Variants in DHX37 observed in about 807,000 individuals in gnomAD.
DHX37 encodes DEAH-box helicase 37, also known as probable ATP-dependent RNA helicase DHX37.
A neutral mutation model predicts 134.3 loss-of-function variants in DHX37; 52 were observed. The observed-to-expected ratio is 0.39, with a 90% confidence interval of 0.31 to 0.49. The LOEUF (loss-of-function observed/expected upper bound fraction) is 0.49. Among genes scored for constraint, DHX37 ranks in the 20% least tolerant of loss-of-function variants. The pLI is 0.93. For missense variants in DHX37, 1,344 were observed against 1,580.8 expected (o/e 0.85, Z 2.54); for synonymous variants, 634 against 670.7 (o/e 0.95, Z 0.85).
chr12:124,972,747 G>A (rs1280031769), intron 6 of DHX37, 148 bp from the exon 7 acceptor site: 10 of 696,422 alleles, frequency 1.4e-5, no homozygotes, highest in Admixed American at 2.4e-5. Context: ...CATCTCCCCA[G>A]TCCACTCTCC....
In DHX37 at chr12:124,950,675, C is replaced by T. The variant is rs768887553; in HGVS notation, c.2983+15G>A. The T allele has an allele frequency of 2.0e-5, 33 of 1,611,274 alleles. No homozygotes were observed. The highest frequency in any genetic ancestry group is 2.5e-5 in the Non-Finnish European group (30 of 1,178,832). ...CACCATCGGGGGACAAGGGGCTGTCCGCAGGCCTCGGCACCTTTCATGTAC... is the reference window on the plus strand; with the variant it reads ...CACCATCGGGGGACAAGGGGCTGTCTGCAGGCCTCGGCACCTTTCATGTAC... On this transcript the variant is annotated intron_variant, in intron 22 of 26. Coordinates refer to ENST00000308736, the MANE Select transcript of DHX37 (RefSeq NM_032656.4).
At chr12:124,948,976 C>G (rs1361707460) in intron 25 of DHX37, among the ~76,000 whole-genome samples, 1 of 152,204 alleles carries the variant, frequency 6.6e-6, no homozygotes, top group African/African-American at 2.4e-5. Flanking sequence ...TGCAACTTGT[C>G]TCATCTAGAA....
Position 124,949,940 on chromosome 12 carries a change from C to T in DHX37, c.3290+46G>A, listed in dbSNP as rs1317173186. 2.6e-6 allele frequency: 4 copies of T among 1,560,568 alleles called. No homozygotes were observed. The highest frequency in any genetic ancestry group is 2.6e-6 in the Non-Finnish European group (3 of 1,147,534). ...GCAGCCCCGGGGAGGTCATTCAGGCCTCGGACCCCTCCTGCCCACTGCGAG... is the reference window on the plus strand; with the variant it reads ...GCAGCCCCGGGGAGGTCATTCAGGCTTCGGACCCCTCCTGCCCACTGCGAG... On this transcript the variant is annotated intron_variant, in intron 25 of 26. Coordinates refer to ENST00000308736, the MANE Select transcript of DHX37 (RefSeq NM_032656.4). This position sits in a 1 kb window ranked among gnomAD's most constrained non-coding sequence, Gnocchi z 4.0.
Position 124,962,836 on chromosome 12 carries a change from C to CA in DHX37, c.2045+1557dup, listed in dbSNP as rs1200702206. On this transcript the variant is annotated intron_variant, in intron 15 of 26. Transcript: ENST00000308736. ...TGGGTGACATAGCGAGACTCCATCT[C>CA]AAAAAAAAAAAAATTAAAAAGTGCT... Among the ~76,000 whole-genome samples, 750 of 141,874 alleles carry CA rather than the reference C, an allele frequency of 5.3e-3. 5 individuals carry two copies. Among genetic ancestry groups the CA allele is most frequent in the African/African-American group, 0.017 (643 of 38,144 alleles). The allele number at this position is 141,874 out of a possible 152,430, so 93.1% of individuals were successfully genotyped here. A position where few individuals can be genotyped will look rare whatever the true frequency, so the allele number is the denominator to read the frequency against.
Position 124,954,070 on chromosome 12 carries a change from A to C in DHX37, c.2578+17T>G, listed in dbSNP as rs11831506. 306,568 of 1,605,922 alleles carry C rather than the reference A, an allele frequency of 0.19. 33,903 individuals carry two copies. Among genetic ancestry groups the C allele is most frequent in the African/African-American group, 0.52 (38,550 of 74,836 alleles). The stretch of plus-strand genomic sequence containing the variant: ...TGGGTGACCCTCCCGCCACCCTCCA[A>C]CGGGCAGGGCACAAACCCAGCAGCA... On this transcript the variant is annotated intron_variant, in intron 19 of 26. Transcript: ENST00000308736.
At chr12:124,959,327 C>A (rs1411784471) in intron 16 of DHX37, among the ~76,000 whole-genome samples, 2 of 152,134 alleles carry the variant, frequency 1.3e-5, no homozygotes, top group Non-Finnish European at 2.9e-5. Context: ...CCTGCCTCGG[C>A]CTTCCAAAGT....
intron 8 of DHX37, among the ~76,000 whole-genome samples, chr12:124,970,239 G>T (rs1021637652): frequency 5.3e-5 from 8 of 152,226 alleles, no homozygotes; most frequent in Admixed American, 1.3e-4. Flanking sequence ...ATCCCACAGT[G>T]CTGGGATTAC....
intron 1 of DHX37, 47 bp from the exon 2 acceptor site, chr12:124,986,312 T>G: frequency 6.3e-7 from 1 of 1,593,552 alleles, no homozygotes; most frequent in Non-Finnish European, 8.5e-7. Context: ...GAGGTAGCTC[T>G]GGTCCCGCCT....
intron 15 of DHX37, among the ~76,000 whole-genome samples, chr12:124,961,546 A>G (rs1380949916): frequency 1.3e-5 from 2 of 152,154 alleles, no homozygotes; most frequent in Admixed American, 1.3e-4. Context: ...CTCCTGCCTC[A>G]GCCTCCCAAG....
At chr12:124,985,669 A>G (rs1485050020) in intron 2 of DHX37, among the ~76,000 whole-genome samples, 1 of 151,106 alleles carries the variant, frequency 6.6e-6, no homozygotes, top group Non-Finnish European at 1.5e-5. Context: ...ATCACTTGAT[A>G]CCAGGAGAAC....
intron 15 of DHX37, among the ~76,000 whole-genome samples, chr12:124,960,756 C>T (rs1954220886): frequency 6.6e-6 from 1 of 152,176 alleles, no homozygotes. Context: ...GAGTTCAAGA[C>T]CAGCCTGGCC....
intron 15 of DHX37, among the ~76,000 whole-genome samples, chr12:124,963,651 C>T (rs1045543370): frequency 2.7e-5 from 4 of 150,222 alleles, no homozygotes; most frequent in Non-Finnish European, 5.9e-5. Flanking sequence ...GGGTGGATCA[C>T]GAGGTCAGGA....
chr12:124,964,875 A>C (rs1215730706), intron 14 of DHX37, 55 bp downstream of exon 14: 4 of 1,536,424 alleles, frequency 2.6e-6, no homozygotes, highest in Non-Finnish European at 3.5e-6. Context: ...GACCAACCCC[A>C]CTGTAATGCC....
In DHX37 at chr12:124,975,499, G is replaced by A. The variant is rs1305867577; in HGVS notation, c.900C>T (p.Ile300=). The change falls in exon 6 of 27, where the codon ATC becomes ATT. Residue 300 remains isoleucine, a synonymous_variant. Coordinates refer to ENST00000308736, the MANE Select transcript of DHX37 (RefSeq NM_032656.4). ...CTCGGCGGGGCTCCGTGACACCGATGATGCTGTCTTCACTGGGGGAGGAAG... is the reference window on the plus strand; with the variant it reads ...CTCGGCGGGGCTCCGTGACACCGATAATGCTGTCTTCACTGGGGGAGGAAG... The part of the protein sequence containing the change: ...YEAGFSSEDS[I]IGVTEPRRVA... The A allele has an allele frequency of 1.2e-6, 2 of 1,612,366 alleles. No individual in the cohort carries two copies. Among genetic ancestry groups the A allele is most frequent in the African/African-American group, 1.3e-5 (1 of 74,934 alleles).
intron 9 of DHX37, 103 bp from the exon 10 acceptor site, chr12:124,968,751 C>T (rs990350238): frequency 3.1e-6 from 5 of 1,598,896 alleles, no homozygotes; most frequent in East Asian, 2.2e-5. Flanking sequence ...TTCTAACACC[C>T]CCTCCAAGCT....
Position 124,952,572 on chromosome 12 carries a change from T to G in DHX37, c.2696-2A>C. The G allele has an allele frequency of 6.3e-7, 1 of 1,575,450 alleles. No homozygotes were observed. The highest frequency in any genetic ancestry group is 8.7e-7 in the Non-Finnish European group (1 of 1,155,664). Reference sequence around the variant, plus strand: ...CAGCCTCGGGGCACACGGCATTGACTGAGGGGAGAACCAAGAGTGAGGTCG... The same window carrying G: ...CAGCCTCGGGGCACACGGCATTGACGGAGGGGAGAACCAAGAGTGAGGTCG... On this transcript the variant is annotated splice_acceptor_variant, in intron 20 of 26. Transcript: ENST00000308736. LOFTEE classifies it high-confidence loss of function.
intron 18 of DHX37, among the ~76,000 whole-genome samples, chr12:124,954,975 A>G (rs1045020159): frequency 1.3e-5 from 2 of 152,204 alleles, no homozygotes; most frequent in African/African-American, 4.8e-5. Flanking sequence ...ACAGCTCAGA[A>G]TGGCAGAGAG....
intron 5 of DHX37, among the ~76,000 whole-genome samples, chr12:124,976,595 C>T (rs186592330): frequency 1.2e-3 from 178 of 152,102 alleles, no homozygotes; most frequent in Non-Finnish European, 2.0e-3. Flanking sequence ...TTTGGGAGGC[C>T]GAGGCAGGCG....
chr12:124,957,659 C>T (rs958556191), intron 16 of DHX37, among the ~76,000 whole-genome samples: 1 of 152,048 alleles, frequency 6.6e-6, no homozygotes, highest in African/African-American at 2.4e-5. Flanking sequence ...TGGTGGCGCT[C>T]GCCTGTAGTC....
Sources: gnomAD v4.1 joint callset for allele counts (sites outside exome capture counted in the v4.1 genomes callset) on GRCh38, gnomAD v4.1.1 for gene constraint, Gnocchi (gnomAD v3.1) non-coding constraint, MANE v1.5 for transcripts, NCBI Gene and HGNC (gene_info 2026-07-23, HGNC 2026-07-21) for gene names.